ZDHHC21: variants seen among roughly 807,000 people sequenced by gnomAD.
ZDHHC21 encodes zDHHC palmitoyltransferase 21, also known as palmitoyltransferase ZDHHC21.
Under a neutral mutation model 34.6 loss-of-function variants are expected in ZDHHC21, and 15 were observed. That is an observed-to-expected ratio of 0.43 (90% CI 0.29 to 0.67). The LOEUF (loss-of-function observed/expected upper bound fraction) is 0.67, where lower values mean the gene tolerates loss of function less well. Among genes scored for constraint, ZDHHC21 ranks in the 30% least tolerant of loss-of-function variants. ZDHHC21 has a pLI of 0.14. For missense variants in ZDHHC21, 344 were observed against 327.7 expected (o/e 1.05, Z -0.38); for synonymous variants, 142 against 101.8 (o/e 1.40, Z -2.38).
chr9:14,592,989 AT>A, the ZDHHC21 span, among the ~76,000 whole-genome samples: 1 of 152,160 alleles, frequency 6.6e-6, no homozygotes, highest in African/African-American at 2.4e-5. Context: ...GCATATCAAA[AT>A]TTATGTGGTA....
chr9:14,603,971 T>C, the ZDHHC21 span, among the ~76,000 whole-genome samples: 1 of 152,352 alleles, frequency 6.6e-6, no homozygotes, highest in East Asian at 1.9e-4. Context: ...GTCATGTTTT[T>C]ATTCACTTTT....
chr9:14,607,232 G>C (rs1464915677), downstream of ZDHHC21, among the ~76,000 whole-genome samples: 2 of 152,044 alleles, frequency 1.3e-5, no homozygotes, highest in South Asian at 2.1e-4. Context: ...CAGACTGCTT[G>C]AGCTCAGGAG....
At chr9:14,646,016 C>A (rs1426168740) in intron 7 of ZDHHC21, among the ~76,000 whole-genome samples, 6 of 152,064 alleles carry the variant, frequency 3.9e-5, no homozygotes, top group Non-Finnish European at 7.4e-5. Context: ...AAGGAACATA[C>A]CACTTAACCT....
At chr9:14,666,463 AC>A (rs1229817940) in intron 5 of ZDHHC21, among the ~76,000 whole-genome samples, 1 of 99,368 alleles carries the variant, frequency 1.0e-5, no homozygotes, top group Non-Finnish European at 2.3e-5. Context: ...CAACAAGGAT[AC>A]CCAGGAATTG....
At chr9:14,626,810 A>G (rs1826315422) in intron 8 of ZDHHC21, among the ~76,000 whole-genome samples, 1 of 152,080 alleles carries the variant, frequency 6.6e-6, no homozygotes, top group Non-Finnish European at 1.5e-5. Context: ...ATATTTAAAA[A>G]GAAGGGACAC....
At chr9:14,592,328 TTTCC>T in the ZDHHC21 span, among the ~76,000 whole-genome samples, 2 of 152,072 alleles carry the variant, frequency 1.3e-5, no homozygotes, top group Non-Finnish European at 2.9e-5. Context: ...TATAATTCCA[TTTCC>T]TTCCTTCCTC....
chr9:14,606,226 T>C (rs1823011433), downstream of ZDHHC21, among the ~76,000 whole-genome samples: 1 of 152,212 alleles, frequency 6.6e-6, no homozygotes, highest in Non-Finnish European at 1.5e-5. Context: ...ACTCTTCCCA[T>C]GAAATGGAAT....
chr9:14,688,224 T>C (rs1030301696), intron 2 of ZDHHC21, among the ~76,000 whole-genome samples: 2 of 150,844 alleles, frequency 1.3e-5, no homozygotes, highest in South Asian at 2.1e-4. Context: ...ATCTGTAAAA[T>C]GGAGATAAAA....
chr9:14,618,256 A>G lies in ZDHHC21; in HGVS notation c.*710T>C, dbSNP rs929837703. On this transcript the variant is annotated 3_prime_UTR_variant, in exon 10 of 10. Transcript: ENST00000380916. ...AATCACAATCAATAATTACAACAGTAATAGTGAAAATTGAAAAAATTATTG... is the reference window on the plus strand; with the variant it reads ...AATCACAATCAATAATTACAACAGTGATAGTGAAAATTGAAAAAATTATTG... The G allele has an allele frequency of 6.6e-6, 1 of 152,562 alleles. No homozygotes were observed. Among genetic ancestry groups the G allele is most frequent in the African/African-American group, 2.4e-5 (1 of 41,446 alleles). The allele number at this position is 152,562 out of a possible 1,614,324, so 9.5% of individuals were successfully genotyped here.
At chr9:14,670,714 G>A (rs1835286864) in intron 5 of ZDHHC21, among the ~76,000 whole-genome samples, 1 of 151,986 alleles carries the variant, frequency 6.6e-6, no homozygotes, top group Non-Finnish European at 1.5e-5. Context: ...AGAAATACCT[G>A]TAAAAACTCA....
chr9:14,692,508 C>T lies in ZDHHC21; in HGVS notation c.-225+721G>A, dbSNP rs554211412. 3.9e-5 allele frequency among the ~76,000 whole-genome samples: 6 copies of T among 152,078 alleles called. No individual in the cohort carries two copies. In the South Asian group the frequency reaches 1.2e-3, roughly 32 times the overall value. ...GCAATATTTTAAAGTAATAATTGGTCATGTCCTCTCAGCCCTGGTGATACA... is the reference window on the plus strand; with the variant it reads ...GCAATATTTTAAAGTAATAATTGGTTATGTCCTCTCAGCCCTGGTGATACA... On this transcript the variant is annotated intron_variant, in intron 1 of 9. Transcript: ENST00000380916.
intron 3 of ZDHHC21, 129 bp from the exon 4 acceptor site, chr9:14,674,514 A>T (rs896218630): frequency 1.9e-5 from 10 of 521,488 alleles, no homozygotes; most frequent in Admixed American, 1.3e-4. Flanking sequence ...TCTGTAGTTG[A>T]TATATTTATT....
intron 7 of ZDHHC21, among the ~76,000 whole-genome samples, chr9:14,645,165 T>TA (rs1345349350): frequency 6.6e-6 from 1 of 151,846 alleles, no homozygotes; most frequent in Non-Finnish European, 1.5e-5. Context: ...AATGGGAATT[T>TA]AAAAAAAGGT....
At chr9:14,600,677 G>C in the ZDHHC21 span, among the ~76,000 whole-genome samples, 1 of 152,104 alleles carries the variant, frequency 6.6e-6, no homozygotes, top group East Asian at 1.9e-4. Context: ...CAAAAAAAAA[G>C]AGCTGGTATA....
chr9:14,593,979 G>A, the ZDHHC21 span: 28,057 of 152,178 alleles, frequency 0.18, 3,289 homozygotes, highest in East Asian at 0.35. Context: ...ACAGGGCCTA[G>A]TTTCTGAACT....
Position 14,617,284 on chromosome 9 carries a change from C to T in ZDHHC21, c.*1682G>A, listed in dbSNP as rs975772854. ...TCTTTTCAGTACCAATAAATATGTT[C>T]GTCTGCTGTATTTCTGTTCGTATTT... On this transcript the variant is annotated 3_prime_UTR_variant, in exon 10 of 10. Transcript: ENST00000380916. 6 of 151,756 alleles carry T rather than the reference C, an allele frequency of 4.0e-5. No homozygotes were observed. Among genetic ancestry groups the T allele is most frequent in the African/African-American group, 1.5e-4 (6 of 41,362 alleles). The allele number at this position is 151,756 out of a possible 1,614,324, so 9.4% of individuals were successfully genotyped here. A position where few individuals can be genotyped will look rare whatever the true frequency, so the allele number is the denominator to read the frequency against.
chr9:14,601,398 GTCA>G, the ZDHHC21 span, among the ~76,000 whole-genome samples: 3,394 of 152,072 alleles, frequency 0.022, 44 homozygotes, highest in Middle Eastern at 0.065. Context: ...TGAAAAAAAG[GTCA>G]TCATCACTGG....
At chr9:14,639,035 T>C (rs945040914) in intron 8 of ZDHHC21, among the ~76,000 whole-genome samples, 1 of 152,052 alleles carries the variant, frequency 6.6e-6, no homozygotes, top group Non-Finnish European at 1.5e-5. Flanking sequence ...ACAATCAGTA[T>C]ATCAAAGGGA....
intron 2 of ZDHHC21, among the ~76,000 whole-genome samples, chr9:14,688,786 C>T (rs1350170587): frequency 6.6e-6 from 1 of 152,096 alleles, no homozygotes; most frequent in Non-Finnish European, 1.5e-5. Context: ...TGCTTGAACC[C>T]GGGAGGCGGA....
Sources: allele counts gnomAD v4.1 joint callset (sites outside exome capture counted in the v4.1 genomes callset), GRCh38; gene constraint gnomAD v4.1.1; transcripts MANE v1.5; gene names NCBI Gene and HGNC (gene_info 2026-07-23, HGNC 2026-07-21).